The following SUGCT variants were observed in gnomAD, a reference collection of about 807,000 sequenced individuals.
The protein encoded by SUGCT is succinyl-CoA:glutarate CoA-transferase.
SUGCT carries 41 observed loss-of-function variants against 55.0 expected under a neutral mutation model. That is an observed-to-expected ratio of 0.74 (90% CI 0.58 to 0.97). The LOEUF is 0.97. SUGCT is among the 50% of genes least tolerant of loss of function. The pLI is 0.00. For missense variants in SUGCT, 568 were observed against 547.8 expected, an observed-to-expected ratio of 1.04 and a Z score of -0.37; for synonymous variants, 187 against 200.4, an observed-to-expected ratio of 0.93 and a Z score of 0.56.
At position 40,370,989 on chromosome 7, in the gene SUGCT, T is replaced by C. The variant is rs143621154; in HGVS notation, c.816+54134T>C. On this transcript the variant is annotated intron_variant, in intron 9 of 13. Transcript: ENST00000335693. Reference sequence around the variant, plus strand: ...AGTTGGAGGAACTAATGCTCAGAGATATTACACGACCTGGCCAGACTCATG... The same window carrying C: ...AGTTGGAGGAACTAATGCTCAGAGACATTACACGACCTGGCCAGACTCATG... 2.7e-3 allele frequency among the ~76,000 whole-genome samples: 414 copies of C among 152,212 alleles called. 12 individuals carry two copies. The South Asian group carries it at 0.059, about 22-fold the overall frequency.
At chr7:40,909,440 A>G in the SUGCT span, among the ~76,000 whole-genome samples, 2 of 152,204 alleles carry the variant, frequency 1.3e-5, no homozygotes, top group Non-Finnish European at 2.9e-5. Flanking sequence ...CTGTGGGCCA[A>G]TGTTTAGTTC....
chr7:40,246,570 C>T (rs1789892131), intron 7 of SUGCT, among the ~76,000 whole-genome samples: 1 of 149,810 alleles, frequency 6.7e-6, no homozygotes, highest in South Asian at 2.1e-4. Flanking sequence ...CTGATTTATG[C>T]CTGACTTTTT....
chr7:40,808,992 G>C (rs1791255901), intron 13 of SUGCT, among the ~76,000 whole-genome samples: 1 of 152,140 alleles, frequency 6.6e-6, no homozygotes, highest in African/African-American at 2.4e-5. Flanking sequence ...ATTTTATACT[G>C]TTGGGCCTCG....
intron 9 of SUGCT, among the ~76,000 whole-genome samples, chr7:40,418,741 T>C (rs1022470645): frequency 1.3e-5 from 2 of 152,148 alleles, no homozygotes; most frequent in Non-Finnish European, 2.9e-5. Flanking sequence ...TTCTCCCCTG[T>C]AATCCACTGG....
At chr7:40,160,737 G>A (rs1784104320) in intron 1 of SUGCT, among the ~76,000 whole-genome samples, 1 of 152,072 alleles carries the variant, frequency 6.6e-6, no homozygotes, top group Non-Finnish European at 1.5e-5. Context: ...GATATAAAAA[G>A]AGCAGATTTA....
At chr7:40,775,497 A>G (rs1419178154) in intron 13 of SUGCT, 1 of 152,252 alleles carries the variant, frequency 6.6e-6, no homozygotes, top group Non-Finnish European at 1.5e-5. Flanking sequence ...TAAGATGCCT[A>G]ACATACACTG....
chr7:40,646,597 A>G (rs1562923502), intron 12 of SUGCT, among the ~76,000 whole-genome samples: 1 of 152,128 alleles, frequency 6.6e-6, no homozygotes, highest in East Asian at 1.9e-4. Context: ...ACCTTCACGC[A>G]GCAGAATTTA....
chr7:41,028,893 T>G, the SUGCT span, among the ~76,000 whole-genome samples: 1 of 152,206 alleles, frequency 6.6e-6, no homozygotes, highest in Non-Finnish European at 1.5e-5. Flanking sequence ...TGTGCCTCCC[T>G]CATGGGCTTG....
At chr7:40,591,252 C>CTT in intron 12 of SUGCT, among the ~76,000 whole-genome samples, 1 of 152,322 alleles carries the variant, frequency 6.6e-6, no homozygotes, top group East Asian at 1.9e-4. Flanking sequence ...GCATGGATGA[C>CTT]TTTGAGGGGC....
At chr7:40,706,821 C>A (rs894881341) in intron 12 of SUGCT, among the ~76,000 whole-genome samples, 5 of 152,210 alleles carry the variant, frequency 3.3e-5, no homozygotes, top group African/African-American at 1.2e-4. Flanking sequence ...GCTTTGTGTG[C>A]TGGCTTTGCA....
chr7:40,338,720 G>A (rs1339194551), intron 9 of SUGCT, among the ~76,000 whole-genome samples: 2 of 152,160 alleles, frequency 1.3e-5, no homozygotes, highest in Non-Finnish European at 2.9e-5. Context: ...GGAGAAGTTT[G>A]ATCGTCTGAA....
At chr7:40,203,621 A>G (rs1284092330) in intron 6 of SUGCT, among the ~76,000 whole-genome samples, 1 of 152,032 alleles carries the variant, frequency 6.6e-6, no homozygotes, top group Non-Finnish European at 1.5e-5. Context: ...TTAAAAATAC[A>G]AAAATTAGCT....
intron 7 of SUGCT, among the ~76,000 whole-genome samples, chr7:40,261,124 G>A (rs1009702050): frequency 4.6e-5 from 7 of 152,136 alleles, no homozygotes; most frequent in Non-Finnish European, 1.0e-4. Context: ...AGTCTATAGG[G>A]ACTGGACTTT....
At chr7:40,300,964 G>A (rs1794498268) in intron 8 of SUGCT, among the ~76,000 whole-genome samples, 2 of 152,232 alleles carry the variant, frequency 1.3e-5, no homozygotes, top group Admixed American at 1.3e-4. Context: ...CATTTTGTAT[G>A]AGTTTGGGGA....
chr7:40,322,610 C>A (rs185251441), intron 9 of SUGCT, among the ~76,000 whole-genome samples: 2 of 152,122 alleles, frequency 1.3e-5, no homozygotes, highest in African/African-American at 4.8e-5. Flanking sequence ...GCCCTCATGA[C>A]AGGGTAAATT....
the SUGCT span, among the ~76,000 whole-genome samples, chr7:40,975,944 C>T: frequency 5.3e-5 from 8 of 152,172 alleles, no homozygotes; most frequent in Non-Finnish European, 1.0e-4. Flanking sequence ...TTTCATAGCC[C>T]TGCCTTAACT....
chr7:40,245,418 TATA>T (rs1562607250), intron 7 of SUGCT, among the ~76,000 whole-genome samples: 2,764 of 30,942 alleles, frequency 0.089, 226 homozygotes, highest in South Asian at 0.14. Flanking sequence ...TATATATATA[TATA>T]TATTTTTTTT....
intron 9 of SUGCT, among the ~76,000 whole-genome samples, chr7:40,413,365 G>A (rs893220528): frequency 3.3e-5 from 5 of 152,034 alleles, no homozygotes; most frequent in African/African-American, 9.7e-5. Context: ...CCTGCCTGCT[G>A]TTTCAGGCAA....
chr7:40,943,431 T>TC, the SUGCT span, among the ~76,000 whole-genome samples: 1 of 63,744 alleles, frequency 1.6e-5, no homozygotes, highest in African/African-American at 6.3e-5. Context: ...CCCTCCCCCC[T>TC]CCCCCCACCC....
Sources: gnomAD v4.1 joint callset for allele counts (sites outside exome capture counted in the v4.1 genomes callset) on GRCh38, gnomAD v4.1.1 for gene constraint, MANE v1.5 for transcripts, NCBI Gene and HGNC (gene_info 2026-07-23, HGNC 2026-07-21) for gene names.